Variants in NAV3 observed in about 807,000 individuals in gnomAD.
NAV3 encodes the protein pore membrane and/or filament interacting like protein 1.
A neutral mutation model predicts 244.7 loss-of-function variants in NAV3; 87 were observed. That is an observed-to-expected ratio of 0.36 (90% CI 0.30 to 0.42). NAV3 has a LOEUF of 0.42. Among genes scored for constraint, NAV3 ranks in the 20% least tolerant of loss-of-function variants. NAV3 has a pLI of 1.00. For synonymous variants in NAV3, 1,126 were observed against 1,042.2 expected (o/e 1.08, Z -1.55); for missense variants, 2,663 against 2,893.3 (o/e 0.92, Z 1.83).
intron 2 of NAV3, among the ~76,000 whole-genome samples, chr12:77,805,623 A>G (rs950808331): frequency 3.4e-5 from 5 of 148,800 alleles, no homozygotes; most frequent in Admixed American, 1.4e-4. Flanking sequence ...TTGGGCTGAA[A>G]TTTTCTTTTT....
At chr12:78,172,024 C>G (rs1408854705) in intron 24 of NAV3, among the ~76,000 whole-genome samples, 2 of 151,494 alleles carry the variant, frequency 1.3e-5, no homozygotes, top group Non-Finnish European at 3.0e-5. Flanking sequence ...TAGGCATTAT[C>G]AGATCTTAAA....
intron 7 of NAV3, among the ~76,000 whole-genome samples, chr12:78,005,872 T>A (rs1260979059): frequency 6.6e-6 from 1 of 152,222 alleles, no homozygotes; most frequent in Non-Finnish European, 1.5e-5. Context: ...TAATAATTAT[T>A]CATATTATAT....
intron 12 of NAV3, among the ~76,000 whole-genome samples, chr12:78,073,083 C>A (rs1952861595): frequency 7.7e-6 from 1 of 130,052 alleles, no homozygotes; most frequent in Non-Finnish European, 1.6e-5. Flanking sequence ...CAATATCATA[C>A]TGAATGGGCA....
chr12:78,118,203 T>C lies in NAV3; in HGVS notation c.2946T>C (p.Ser982=), dbSNP rs1191447177. 1 of 1,613,936 alleles carries C rather than the reference T, an allele frequency of 6.2e-7. No individual in the cohort carries two copies. The highest frequency in any genetic ancestry group is 1.1e-5 in the South Asian group (1 of 91,080). The stretch of plus-strand genomic sequence containing the variant: ...AGGCAGGGCAGAAAGCTTCCCTGTC[T>C]GTTTCACAGACAGGTTCCTGGAGAA... ...PEKAGQKASL[S]VSQTGSWRRG... is the part of the protein sequence containing the mutation. Residue 982 remains serine (S), a synonymous_variant, in exon 14 of 40, where the codon TCT becomes TCC. Coordinates refer to ENST00000397909, the MANE Select transcript of NAV3 (RefSeq NM_001024383.2).
intron 2 of NAV3, among the ~76,000 whole-genome samples, chr12:77,576,865 G>A (rs1263512673): frequency 6.6e-6 from 1 of 151,864 alleles, no homozygotes; most frequent in South Asian, 2.1e-4. Context: ...AAATCTACCT[G>A]ACTTCCTTTT....
At position 77,831,195 on chromosome 12, in the gene NAV3, C is replaced by CAGACAGAG. The variant is rs1434076344; in HGVS notation, c.-264_-263insCAGAGAGA. On this transcript the variant is annotated 5_prime_UTR_variant, in exon 1 of 40. Coordinates refer to ENST00000397909, the MANE Select transcript of NAV3 (RefSeq NM_001024383.2). ...AGAGAGAGAGAGAGAGAGAGAGAGA[C>CAGACAGAG]AGAGAGAGAGAGAGAGAGAGAGAAA... 199 of 145,194 alleles carry CAGACAGAG rather than the reference C, an allele frequency of 1.4e-3. 3 individuals carry two copies. Among genetic ancestry groups the CAGACAGAG allele is most frequent in the African/African-American group, 5.1e-3 (166 of 32,734 alleles). 9.0% of individuals were successfully genotyped at this position (145,194 alleles called of 1,614,324 possible). A position where few individuals can be genotyped will look rare whatever the true frequency, so the allele number is the denominator to read the frequency against.
chr12:78,194,480 C>T (rs1210532539), intron 34 of NAV3, among the ~76,000 whole-genome samples: 5 of 151,958 alleles, frequency 3.3e-5, no homozygotes, highest in Admixed American at 3.3e-4. Context: ...TTATAGATTT[C>T]TGTACTACAT....
At chr12:78,134,899 A>G (rs902555642) in intron 18 of NAV3, among the ~76,000 whole-genome samples, 1 of 152,214 alleles carries the variant, frequency 6.6e-6, no homozygotes, top group African/African-American at 2.4e-5. Flanking sequence ...TGCAAATGCA[A>G]TTTAAGACAA....
chr12:77,781,379 G>C (rs976586825), intron 2 of NAV3, among the ~76,000 whole-genome samples: 3 of 152,160 alleles, frequency 2.0e-5, no homozygotes, highest in Non-Finnish European at 4.4e-5. Flanking sequence ...CTGCTACCTG[G>C]ATGCTTCATC....
intron 38 of NAV3, among the ~76,000 whole-genome samples, chr12:78,204,478 T>C (rs993492493): frequency 3.3e-5 from 5 of 152,284 alleles, no homozygotes; most frequent in Middle Eastern, 3.4e-3. Flanking sequence ...GTAGAGTGAA[T>C]TAGGCAGAGA....
At chr12:78,194,700 A>C (rs1959127990) in intron 34 of NAV3, among the ~76,000 whole-genome samples, 1 of 152,076 alleles carries the variant, frequency 6.6e-6, no homozygotes, top group South Asian at 2.1e-4. Flanking sequence ...TTAAGGTTGC[A>C]GTTTCCTTTA....
chr12:77,822,114 TTA>T (rs1872768085), intron 2 of NAV3, among the ~76,000 whole-genome samples: 1 of 152,212 alleles, frequency 6.6e-6, no homozygotes, highest in Non-Finnish European at 1.5e-5. Flanking sequence ...TCATTATACT[TTA>T]TGGTTAAGAG....
intron 39 of NAV3, among the ~76,000 whole-genome samples, chr12:78,207,720 C>T (rs1159987010): frequency 6.6e-6 from 1 of 152,134 alleles, no homozygotes; most frequent in Non-Finnish European, 1.5e-5. Flanking sequence ...GGAATTAAAA[C>T]TGTGGAAGTA....
At chr12:77,689,866 T>C (rs1414784887) in intron 2 of NAV3, among the ~76,000 whole-genome samples, 1 of 151,852 alleles carries the variant, frequency 6.6e-6, no homozygotes, top group Non-Finnish European at 1.5e-5. Flanking sequence ...GAAATCATAC[T>C]GGAAGTAATT....
chr12:78,185,501 CA>C, intron 30 of NAV3, 99 bp from the exon 31 acceptor site: 1 of 997,940 alleles, frequency 1.0e-6, no homozygotes, highest in Non-Finnish European at 1.5e-6. Flanking sequence ...AAGCAAATCC[CA>C]TTGAAAGATA....
intron 5 of NAV3, among the ~76,000 whole-genome samples, chr12:77,992,448 A>G (rs1384242843): frequency 6.6e-6 from 1 of 152,168 alleles, no homozygotes; most frequent in Non-Finnish European, 1.5e-5. Context: ...TTCAGCCTAT[A>G]TTATTAGGAA....
chr12:77,649,254 T>C (rs937058559), intron 2 of NAV3, among the ~76,000 whole-genome samples: 4 of 152,130 alleles, frequency 2.6e-5, no homozygotes, highest in African/African-American at 9.7e-5. Context: ...GATAATTTAC[T>C]GAGTATTACA....
chr12:77,859,316 G>A (rs1260678694), intron 1 of NAV3, among the ~76,000 whole-genome samples: 1 of 151,928 alleles, frequency 6.6e-6, no homozygotes, highest in East Asian at 1.9e-4. Context: ...GTAAGGCCCT[G>A]GAAACTACTA....
intron 7 of NAV3, among the ~76,000 whole-genome samples, chr12:78,001,380 T>C (rs928787503): frequency 6.6e-6 from 1 of 152,248 alleles, no homozygotes; most frequent in African/African-American, 2.4e-5. Context: ...ATATACTTTA[T>C]ACATTCTTTA....
Sources: gnomAD v4.1 joint callset for allele counts (sites outside exome capture counted in the v4.1 genomes callset) on GRCh38, gnomAD v4.1.1 for gene constraint, MANE v1.5 for transcripts, NCBI Gene and HGNC (gene_info 2026-07-23, HGNC 2026-07-21) for gene names.